The following NRG1 variants were observed in gnomAD, a reference collection of about 807,000 sequenced individuals.
The protein encoded by NRG1 is pro-neuregulin-1, membrane-bound isoform.
A neutral mutation model predicts 63.8 loss-of-function variants in NRG1; 18 were observed. The ratio of observed to expected loss-of-function variants is 0.28; its 90% CI spans 0.19 to 0.42. The LOEUF (loss-of-function observed/expected upper bound fraction) is 0.42. Ranked by LOEUF, NRG1 falls within the 10% of genes least tolerant of loss-of-function variation. The pLI is 1.00. For missense variants in NRG1, 762 were observed against 814.7 expected, an observed-to-expected ratio of 0.94 and a Z score of 0.79; for synonymous variants, 302 against 301.3, an observed-to-expected ratio of 1.00 and a Z score of -0.02.
chr8:32,644,428 G>T (rs1853059053), intron 5 of NRG1, among the ~76,000 whole-genome samples: 1 of 149,966 alleles, frequency 6.7e-6, no homozygotes, highest in Non-Finnish European at 1.5e-5. Context: ...TGCTATAGAG[G>T]ATTTGATGAA....
intron 1 of NRG1, among the ~76,000 whole-genome samples, chr8:31,897,387 C>T (rs1401924343): frequency 2.0e-5 from 3 of 152,134 alleles, no homozygotes; most frequent in African/African-American, 7.2e-5. Context: ...TATCACCTGA[C>T]AGATAGCAGA....
intron 1 of NRG1, among the ~76,000 whole-genome samples, chr8:32,018,925 G>A (rs1389395762): frequency 6.6e-6 from 1 of 152,232 alleles, no homozygotes; most frequent in Non-Finnish European, 1.5e-5. Context: ...AGCCATTCTA[G>A]TGGATGTAAG....
At chr8:32,405,606 T>C (rs967868206) in intron 1 of NRG1, among the ~76,000 whole-genome samples, 7 of 152,174 alleles carry the variant, frequency 4.6e-5, no homozygotes, top group Non-Finnish European at 1.0e-4. Context: ...ACTTGTACAG[T>C]CATGTAGAGA....
intron 1 of NRG1, among the ~76,000 whole-genome samples, chr8:32,125,891 A>AT (rs1834011905): frequency 6.6e-6 from 1 of 152,006 alleles, no homozygotes; most frequent in Non-Finnish European, 1.5e-5. Context: ...CTCCATAAAT[A>AT]TTTTGTGATT....
chr8:31,752,753 A>C (rs2131466809), intron 1 of NRG1, among the ~76,000 whole-genome samples: 1 of 152,150 alleles, frequency 6.6e-6, no homozygotes, highest in South Asian at 2.1e-4. Context: ...ACAGAGGTGA[A>C]TAGGGAGAGG....
At chr8:32,651,986 G>A (rs1444488868) in intron 5 of NRG1, among the ~76,000 whole-genome samples, 1 of 152,060 alleles carries the variant, frequency 6.6e-6, no homozygotes, top group East Asian at 1.9e-4. Flanking sequence ...AGAAACCCAG[G>A]CTCAGAAATG....
chr8:32,198,433 C>T (rs1052723812), intron 1 of NRG1, among the ~76,000 whole-genome samples: 5 of 152,190 alleles, frequency 3.3e-5, no homozygotes, highest in African/African-American at 1.2e-4. Flanking sequence ...CTGCCTCGGC[C>T]TCCCAAAGTG....
chr8:32,621,853 T>C (rs1417062796), intron 5 of NRG1, among the ~76,000 whole-genome samples: 1 of 152,222 alleles, frequency 6.6e-6, no homozygotes, highest in Non-Finnish European at 1.5e-5. Flanking sequence ...GATAATGCAG[T>C]GGACTGCTAT....
chr8:32,223,254 C>T (rs1846006628), intron 1 of NRG1, among the ~76,000 whole-genome samples: 1 of 152,160 alleles, frequency 6.6e-6, no homozygotes, highest in Non-Finnish European at 1.5e-5. Flanking sequence ...TAAACAACTT[C>T]TCTAACTGGA....
rs182946729 is a variant in NRG1 at position 32,219,233 on chromosome 8, G to A, written c.38-376595G>A. ...TCTGACCGCCACCATCACAAATAGA[G>A]GTTAGAAAATATTACTTATGTGAAA... is the stretch of plus-strand genomic sequence containing the variant. On this transcript the variant is annotated intron_variant, in intron 1 of 10. Coordinates refer to the NRG1 transcript ENST00000519301. Among the ~76,000 whole-genome samples the A allele has an allele frequency of 1.7e-3, 264 of 152,272 alleles. 2 individuals carry two copies. Among genetic ancestry groups the A allele is most frequent in the African/African-American group, 6.2e-3 (259 of 41,550 alleles).
At chr8:31,948,848 C>A (rs1803030015) in intron 1 of NRG1, among the ~76,000 whole-genome samples, 1 of 152,198 alleles carries the variant, frequency 6.6e-6, no homozygotes, top group African/African-American at 2.4e-5. Context: ...CAACCTGAGA[C>A]AAGGTCAGAC....
At chr8:32,421,489 G>T (rs1030075981) in intron 1 of NRG1, among the ~76,000 whole-genome samples, 15 of 152,180 alleles carry the variant, frequency 9.9e-5, no homozygotes, top group Middle Eastern at 3.2e-3. Flanking sequence ...GATGAGTGAG[G>T]TCATGTTAAT....
intron 1 of NRG1, among the ~76,000 whole-genome samples, chr8:31,873,007 C>T (rs933567617): frequency 1.3e-5 from 2 of 152,070 alleles, no homozygotes; most frequent in African/African-American, 2.4e-5. Context: ...AATAATGGTA[C>T]ATAATTTAAT....
In NRG1 at chr8:32,457,306, A is replaced by C. The variant is rs951339949; in HGVS notation, c.38-138522A>C. Among the ~76,000 whole-genome samples the C allele has an allele frequency of 3.9e-5, 6 of 152,300 alleles. No homozygotes were observed. The South Asian group carries it at 1.2e-3, about 32-fold the overall frequency. On this transcript the variant is annotated intron_variant, in intron 1 of 10. Transcript: ENST00000519301. ...CTGTTCCACATACAGTAAGCAGAAC[A>C]CATGATCCCAGTCCACATGAAGGAT...
intron 1 of NRG1, among the ~76,000 whole-genome samples, chr8:32,449,283 C>A (rs919219728): frequency 6.6e-6 from 1 of 151,760 alleles, no homozygotes; most frequent in Non-Finnish European, 1.5e-5. Context: ...GGCAACAGAG[C>A]AAGACCTTGT....
chr8:31,949,746 A>G (rs777728020), intron 1 of NRG1, among the ~76,000 whole-genome samples: 117 of 152,164 alleles, frequency 7.7e-4, no homozygotes, highest in Non-Finnish European at 5.3e-4. Flanking sequence ...TACCACGTAC[A>G]TTATTGGCAG....
At chr8:31,648,383 C>T (rs552951422) in intron 1 of NRG1, among the ~76,000 whole-genome samples, 136 of 152,126 alleles carry the variant, frequency 8.9e-4, no homozygotes, top group Non-Finnish European at 1.6e-3. Flanking sequence ...CCGCCCGTCT[C>T]GGCCTCCCAA....
At chr8:31,685,822 T>A (rs566187712) in intron 1 of NRG1, among the ~76,000 whole-genome samples, 11 of 152,262 alleles carry the variant, frequency 7.2e-5, no homozygotes, top group African/African-American at 2.6e-4. Flanking sequence ...CATGTTGTAG[T>A]GTGTGTGTGT....
At chr8:32,516,981 GACTTTATTA>G (rs1829882116) in intron 1 of NRG1, among the ~76,000 whole-genome samples, 1 of 151,380 alleles carries the variant, frequency 6.6e-6, no homozygotes, top group Non-Finnish European at 1.5e-5. Context: ...GAAAAAAGAT[GACTTTATTA>G]AGGATCTCTG....
Sources: gnomAD v4.1 joint callset for allele counts (sites outside exome capture counted in the v4.1 genomes callset) on GRCh38, gnomAD v4.1.1 for gene constraint, MANE v1.5 for transcripts, NCBI Gene and HGNC (gene_info 2026-07-23, HGNC 2026-07-21) for gene names.